AUTS2: variants seen among roughly 807,000 people sequenced by gnomAD.
AUTS2 encodes the protein autism susceptibility gene 2 protein.
In AUTS2, 17 loss-of-function variants were observed where a neutral mutation model predicts 112.4. The observed-to-expected ratio is 0.15, with a 90% CI of 0.10 to 0.23. The LOEUF (loss-of-function observed/expected upper bound fraction) is 0.23, where lower values mean the gene tolerates loss of function less well. Among genes scored for constraint, AUTS2 ranks in the 10% least tolerant of loss-of-function variants. The probability of loss-of-function intolerance (pLI) is 1.00; values close to 1 mark genes in which losing one functional copy is unlikely to be tolerated. For missense variants in AUTS2, 1,510 were observed against 1,701.6 expected, an observed-to-expected ratio of 0.89 and a Z score of 1.98; for synonymous variants, 751 against 702.7, an observed-to-expected ratio of 1.07 and a Z score of -1.09.
At chr7:70,554,069 CT>C (rs35888704) in intron 5 of AUTS2, among the ~76,000 whole-genome samples, 6,821 of 98,054 alleles carry the variant, frequency 0.07, 164 homozygotes, top group Middle Eastern at 0.15. Context: ...TGCACCTGGC[CT>C]TTTTTTTTTT....
At chr7:70,175,566 T>C (rs1359650536) in intron 4 of AUTS2, among the ~76,000 whole-genome samples, 2 of 152,166 alleles carry the variant, frequency 1.3e-5, no homozygotes. Flanking sequence ...GCAAACTTCA[T>C]TGGTGTCTTA....
At chr7:70,293,057 CTT>C (rs1788779082) in intron 4 of AUTS2, 1 of 152,186 alleles carries the variant, frequency 6.6e-6, no homozygotes, top group Admixed American at 6.5e-5. Flanking sequence ...GCAAAGTCCT[CTT>C]GAGACCCTTC....
At chr7:70,354,173 G>A (rs1003981404) in intron 4 of AUTS2, among the ~76,000 whole-genome samples, 4 of 152,182 alleles carry the variant, frequency 2.6e-5, no homozygotes, top group African/African-American at 9.6e-5. Context: ...GTGGAGATCA[G>A]ATACAAAGTC....
At chr7:70,167,531 C>T (rs1808447970) in intron 4 of AUTS2, among the ~76,000 whole-genome samples, 4 of 152,180 alleles carry the variant, frequency 2.6e-5, no homozygotes, top group Admixed American at 6.5e-5. Context: ...TTAGGAAGGA[C>T]ACCAAAAACT....
intron 4 of AUTS2, among the ~76,000 whole-genome samples, chr7:70,211,932 G>A (rs1415419804): frequency 6.6e-6 from 1 of 152,140 alleles, no homozygotes; most frequent in African/African-American, 2.4e-5. Flanking sequence ...CTTGCAGCGA[G>A]CTGAGATCTC....
intron 6 of AUTS2, among the ~76,000 whole-genome samples, chr7:70,703,061 G>A (rs1480130017): frequency 6.6e-6 from 1 of 152,184 alleles, no homozygotes; most frequent in Non-Finnish European, 1.5e-5. Flanking sequence ...TGCTGGCTTA[G>A]TAACCAGGTA....
chr7:70,690,084 G>GAC (rs1808680814), intron 5 of AUTS2, among the ~76,000 whole-genome samples: 1 of 152,166 alleles, frequency 6.6e-6, no homozygotes, highest in East Asian at 1.9e-4. Context: ...CAAGAGGTGT[G>GAC]GCTCCTGTTA....
At chr7:69,895,180 A>G (rs1271892926) in intron 1 of AUTS2, among the ~76,000 whole-genome samples, 1 of 152,124 alleles carries the variant, frequency 6.6e-6, no homozygotes, top group African/African-American at 2.4e-5. Flanking sequence ...TGTTGATAAG[A>G]TGATTAGTTT....
chr7:70,026,372 A>G (rs1305302508), intron 2 of AUTS2, among the ~76,000 whole-genome samples: 2 of 152,148 alleles, frequency 1.3e-5, no homozygotes, highest in Non-Finnish European at 2.9e-5. Context: ...GGGCAGACAG[A>G]GGTGAGAGCA....
intron 1 of AUTS2, among the ~76,000 whole-genome samples, chr7:69,808,577 A>G (rs1011506705): frequency 6.6e-6 from 1 of 152,026 alleles, no homozygotes; most frequent in African/African-American, 2.4e-5. Context: ...AATATAGTAC[A>G]CTCTGCTCAG....
At chr7:70,479,992 C>A (rs988528529) in intron 5 of AUTS2, among the ~76,000 whole-genome samples, 2 of 152,178 alleles carry the variant, frequency 1.3e-5, no homozygotes, top group South Asian at 2.1e-4. Context: ...GACTGTCCCC[C>A]CAAAATATGG....
At chr7:70,402,135 GT>G (rs1794352840) in intron 4 of AUTS2, among the ~76,000 whole-genome samples, 1 of 152,258 alleles carries the variant, frequency 6.6e-6, no homozygotes, top group South Asian at 2.1e-4. Flanking sequence ...AGGATGTTGT[GT>G]TTTGGAGGCA....
At chr7:70,434,364 TG>T (rs1795803306) in intron 4 of AUTS2, among the ~76,000 whole-genome samples, 1 of 152,218 alleles carries the variant, frequency 6.6e-6, no homozygotes, top group South Asian at 2.1e-4. Flanking sequence ...TGAATGGCTG[TG>T]GGGATCTAGC....
At chr7:69,915,143 C>A (rs1795524810) in intron 2 of AUTS2, among the ~76,000 whole-genome samples, 1 of 152,140 alleles carries the variant, frequency 6.6e-6, no homozygotes, top group Non-Finnish European at 1.5e-5. Flanking sequence ...AGATTAAATG[C>A]AGTTCAAAGG....
At chr7:70,650,927 G>A (rs766866221) in intron 5 of AUTS2, among the ~76,000 whole-genome samples, 18 of 152,212 alleles carry the variant, frequency 1.2e-4, no homozygotes, top group Admixed American at 3.9e-4. Flanking sequence ...AAAGGATCAC[G>A]TTGAGGGCAT....
intron 4 of AUTS2, among the ~76,000 whole-genome samples, chr7:70,411,319 G>A (rs375976252): frequency 3.9e-5 from 6 of 152,032 alleles, no homozygotes; most frequent in Non-Finnish European, 7.3e-5. Context: ...CAGGCCAACC[G>A]GCTCATTTCT....
At chr7:69,995,925 C>T (rs547756783) in intron 2 of AUTS2, among the ~76,000 whole-genome samples, 11 of 152,312 alleles carry the variant, frequency 7.2e-5, no homozygotes, top group Admixed American at 3.3e-4. Context: ...CTCAAATTTT[C>T]TCTTTCTCTA....
rs117001525 is a variant in AUTS2, at chr7:70,207,670, T to C, written c.660+73099T>C. On this transcript the variant is annotated intron_variant, in intron 4 of 18. Coordinates refer to ENST00000342771, the MANE Select transcript of AUTS2 (RefSeq NM_015570.4). ...AGGAATGTTTGAGAATTCAGTTAGATTATGCATGTAAAGTATTTAGCACTG... is the reference window on the plus strand; with the variant it reads ...AGGAATGTTTGAGAATTCAGTTAGACTATGCATGTAAAGTATTTAGCACTG... Among the ~76,000 whole-genome samples, 292 of 152,248 alleles carry C rather than the reference T, an allele frequency of 1.9e-3. 9 individuals are homozygous for C. The East Asian group carries it at 0.051, about 27-fold the overall frequency.
chr7:70,709,647 G>T (rs1386720145), intron 6 of AUTS2, among the ~76,000 whole-genome samples: 1 of 152,188 alleles, frequency 6.6e-6, no homozygotes, highest in African/African-American at 2.4e-5. Flanking sequence ...GGAGGTGGAG[G>T]TTGCAGTGAG....
Sources: allele counts gnomAD v4.1 joint callset (sites outside exome capture counted in the v4.1 genomes callset), GRCh38; gene constraint gnomAD v4.1.1; transcripts MANE v1.5; gene names NCBI Gene and HGNC (gene_info 2026-07-23, HGNC 2026-07-21).